The following PRRG4 variants were observed in gnomAD, a reference collection of about 807,000 sequenced individuals.
PRRG4 encodes transmembrane gamma-carboxyglutamic acid protein 4.
In PRRG4, 12 loss-of-function variants were observed where a neutral mutation model predicts 20.0. That is an observed-to-expected ratio of 0.60 (90% CI 0.38 to 0.97). The LOEUF (loss-of-function observed/expected upper bound fraction) is 0.97. Among genes scored for constraint, PRRG4 ranks in the 50% least tolerant of loss-of-function variants. The pLI is 0.00. For missense variants in PRRG4, 199 were observed against 265.1 expected, an observed-to-expected ratio of 0.75 and a Z score of 1.73; for synonymous variants, 94 against 96.4, an observed-to-expected ratio of 0.98 and a Z score of 0.15.
intron 5 of PRRG4, among the ~76,000 whole-genome samples, chr11:32,852,939 ATTTT>A (rs34615143): frequency 9.1e-5 from 9 of 99,114 alleles, no homozygotes; most frequent in Admixed American, 1.2e-4. Flanking sequence ...TGCCCGGCTA[ATTTT>A]TTTTTTTTTT....
chr11:32,853,040 A>G (rs943246323), intron 5 of PRRG4, among the ~76,000 whole-genome samples: 26 of 147,354 alleles, frequency 1.8e-4, no homozygotes, highest in African/African-American at 5.3e-4. Flanking sequence ...CGCCCGCCTC[A>G]GCCTCCCAAA....
At position 32,840,438 on chromosome 11, in the gene PRRG4, C is replaced by G. The variant is rs1280488196; in HGVS notation, c.449+199C>G. ...ACCCAATTTCCCACATTGTTAATAT[C>G]TTGTATTACCATAGTAGATTTATCA... On this transcript the variant is annotated intron_variant, in intron 5 of 5. Transcript: ENST00000257836. This position sits in a 1 kb window ranked among gnomAD's most constrained non-coding sequence, Gnocchi z 4.1. Among the ~76,000 whole-genome samples, 1 of 152,182 alleles carries G rather than the reference C, an allele frequency of 6.6e-6. No homozygotes were observed. Among genetic ancestry groups the G allele is most frequent in the Non-Finnish European group, 1.5e-5 (1 of 68,026 alleles).
chr11:32,854,099 A>C lies in PRRG4; in HGVS notation c.*572A>C, dbSNP rs1281164819. ...TGACTCTATATCCTTGCAGTTAAGA[A>C]GAAAGCACTTTTTTGTAATGTTTGT... On this transcript the variant is annotated 3_prime_UTR_variant, in exon 6 of 6. Transcript: ENST00000257836. 1 of 152,640 alleles carries C rather than the reference A, an allele frequency of 6.6e-6. No individual in the cohort carries two copies. The highest frequency in any genetic ancestry group is 2.4e-5 in the African/African-American group (1 of 41,456). 9.5% of individuals were successfully genotyped at this position (152,640 alleles called of 1,614,324 possible).
intron 5 of PRRG4, among the ~76,000 whole-genome samples, chr11:32,841,292 CTT>C (rs1386710972): frequency 1.3e-5 from 2 of 152,096 alleles, no homozygotes; most frequent in Non-Finnish European, 2.9e-5. Flanking sequence ...TTAGAAGACT[CTT>C]TGTCTTCTAA....
intron 4 of PRRG4, 39 bp downstream of exon 4, chr11:32,838,969 CCT>C (rs752512096): frequency 1.4e-6 from 2 of 1,435,118 alleles, no homozygotes; most frequent in Non-Finnish European, 2.0e-6. Context: ...CTTTTCTCAT[CCT>C]CTCTCTGTTG....
intron 5 of PRRG4, among the ~76,000 whole-genome samples, chr11:32,851,286 A>G (rs561131831): frequency 2.2e-4 from 33 of 152,336 alleles, no homozygotes; most frequent in African/African-American, 6.7e-4. Flanking sequence ...CATTGTTTCC[A>G]TACATTAAAT....
intron 2 of PRRG4, 29 bp from the exon 3 acceptor site, chr11:32,836,629 T>C (rs187144680): frequency 2.2e-6 from 3 of 1,346,636 alleles, no homozygotes; most frequent in African/African-American, 2.9e-5. Context: ...ATTTGATCAA[T>C]GTTTAAGTCT....
rs1205633539 is a variant in PRRG4 at position 32,853,285 on chromosome 11, T to C, written c.450-11T>C. On this transcript the variant is annotated splice_polypyrimidine_tract_variant and intron_variant, in intron 5 of 5. Transcript: ENST00000257836. ...ACCTTTCCTAGACCTAAATGTTGTCTCTCTGCTTAGCTCTTCAGCCGTCTA... is the reference window on the plus strand; with the variant it reads ...ACCTTTCCTAGACCTAAATGTTGTCCCTCTGCTTAGCTCTTCAGCCGTCTA... 6.2e-7 allele frequency: 1 copy of C among 1,603,560 alleles called. No individual in the cohort carries two copies. The highest frequency in any genetic ancestry group is 8.5e-7 in the Non-Finnish European group (1 of 1,170,614).
chr11:32,852,531 G>A (rs1387088634), intron 5 of PRRG4, among the ~76,000 whole-genome samples: 1 of 152,070 alleles, frequency 6.6e-6, no homozygotes, highest in African/African-American at 2.4e-5. Context: ...ATTTGGTTTT[G>A]GTTTCACATC....
rs1851209729 is a variant in PRRG4, at chr11:32,854,143, A to C, written c.*616A>C. ...TGTTTGTTTTAATGGTTCAAAAAAA[A>C]TCTTTCTTATAAAGAGCATAGGTAG... On this transcript the variant is annotated 3_prime_UTR_variant, in exon 6 of 6. Transcript: ENST00000257836. 6.6e-6 allele frequency: 1 copy of C among 152,524 alleles called. No individual in the cohort carries two copies. The highest frequency in any genetic ancestry group is 2.4e-5 in the African/African-American group (1 of 41,464). The allele number at this position is 152,524 out of a possible 1,614,324, so 9.4% of individuals were successfully genotyped here.
chr11:32,843,662 G>A (rs754479384), intron 5 of PRRG4, among the ~76,000 whole-genome samples: 7 of 151,204 alleles, frequency 4.6e-5, no homozygotes, highest in South Asian at 2.1e-4. Context: ...CATCTTAACC[G>A]TTTTTAAGTA....
At chr11:32,853,164 G>A (rs533887220) in intron 5 of PRRG4, 132 bp from the exon 6 acceptor site, 11 of 653,070 alleles carry the variant, frequency 1.7e-5, no homozygotes, top group Non-Finnish European at 2.6e-5. Flanking sequence ...AGAGTCTGGG[G>A]GTAAAATAAA....
chr11:32,833,561 A>G (rs1223009667), intron 2 of PRRG4, among the ~76,000 whole-genome samples: 1 of 152,254 alleles, frequency 6.6e-6, no homozygotes, highest in African/African-American at 2.4e-5. Flanking sequence ...TGCAGTAAGT[A>G]TAGCTAAGTG....
chr11:32,853,468 C>T lies in PRRG4; in HGVS notation c.622C>T (p.Pro208Ser). Reference protein sequence around the residue: ...KHSVSPPPPYPGHTKGFRVFK... With the variant: ...KHSVSPPPPYSGHTKGFRVFK... Reference sequence around the variant, plus strand: ...CAGTGTTTCACCACCACCACCATATCCTGGGCACACAAAAGGATTTAGGGT... The same window carrying T: ...CAGTGTTTCACCACCACCACCATATTCTGGGCACACAAAAGGATTTAGGGT... The change falls in exon 6 of 6, where the codon CCT (proline) becomes TCT (serine). Residue 208 changes from proline (P) to serine (S), a missense_variant. Transcript: ENST00000257836. The T allele has an allele frequency of 1.2e-6, 2 of 1,614,122 alleles. No individual in the cohort carries two copies. Among genetic ancestry groups the T allele is most frequent in the Non-Finnish European group, 1.7e-6 (2 of 1,180,022 alleles).
Position 32,840,136 on chromosome 11 carries a change from G to A in PRRG4, c.346G>A (p.Gly116Ser). The A allele has an allele frequency of 6.2e-7, 1 of 1,605,994 alleles. No homozygotes were observed. Among genetic ancestry groups the A allele is most frequent in the Non-Finnish European group, 8.5e-7 (1 of 1,173,430 alleles). ...CAACAGAGAGAAAATAGATGTTATG[G>A]GCCTTCTGACTGGATTAATTGCTGC... ...DGNREKIDVM[G>S]LLTGLIAAGV... is the part of the protein sequence containing the mutation. Residue 116 changes from glycine (G) to serine (S), a missense_variant, in exon 5 of 6, where the codon GGC (glycine) becomes AGC (serine). Transcript: ENST00000257836. This position sits in a 1 kb window ranked among gnomAD's most constrained non-coding sequence, Gnocchi z 4.1.
At chr11:32,849,734 A>G (rs748048165) in intron 5 of PRRG4, among the ~76,000 whole-genome samples, 6 of 152,162 alleles carry the variant, frequency 3.9e-5, no homozygotes, top group Non-Finnish European at 8.8e-5. Flanking sequence ...CCCCTGAAGG[A>G]TGCCCACAAT....
chr11:32,840,817 G>A lies in PRRG4; in HGVS notation c.449+578G>A, dbSNP rs1851070723. On this transcript the variant is annotated intron_variant, in intron 5 of 5. Coordinates refer to ENST00000257836, the MANE Select transcript of PRRG4 (RefSeq NM_024081.6). The surrounding 1 kb of genome is among the most constrained non-coding windows in gnomAD (Gnocchi z 4.1). ...TTTACGCTGAGTCACAGAGTTAACA[G>A]ATCCACATGGCTACCCAAATAGAAA... 6.6e-6 allele frequency among the ~76,000 whole-genome samples: 1 copy of A among 152,204 alleles called. No homozygotes were observed. The highest frequency in any genetic ancestry group is 6.5e-5 in the Admixed American group (1 of 15,276).
In PRRG4 at chr11:32,837,507, A is replaced by AGATGATGATGAT. The variant is rs145836180; in HGVS notation, c.267+711_267+722dup. Among the ~76,000 whole-genome samples the AGATGATGATGAT allele has an allele frequency of 5.2e-4, 70 of 134,694 alleles. 1 individual carries two copies. The highest frequency in any genetic ancestry group is 1.8e-3 in the African/African-American group (67 of 36,236). The allele number at this position is 134,694 out of a possible 152,430, so 88.4% of individuals were successfully genotyped here. On this transcript the variant is annotated intron_variant, in intron 3 of 5. Coordinates refer to ENST00000257836, the MANE Select transcript of PRRG4 (RefSeq NM_024081.6). ...AGTCTTGAAAAATGTTAACTAACTGAGATGATGATGATGATGATGATGATG... is the reference window on the plus strand; with the variant it reads ...AGTCTTGAAAAATGTTAACTAACTGAGATGATGATGATGATGATGATGATGATGATGATGATG...
At chr11:32,839,755 T>C (rs1046917544) in intron 4 of PRRG4, among the ~76,000 whole-genome samples, 1 of 145,964 alleles carries the variant, frequency 6.9e-6, no homozygotes. Flanking sequence ...TAGATATATT[T>C]TGAATATTAT....
Sources: gnomAD v4.1 joint callset for allele counts (sites outside exome capture counted in the v4.1 genomes callset) on GRCh38, gnomAD v4.1.1 for gene constraint, Gnocchi (gnomAD v3.1) non-coding constraint, MANE v1.5 for transcripts, NCBI Gene and HGNC (gene_info 2026-07-23, HGNC 2026-07-21) for gene names.